The following TEAD1 variants were observed in gnomAD, a reference collection of about 807,000 sequenced individuals.
The protein encoded by TEAD1 is TEA domain transcription factor 1, also known as transcriptional enhancer factor TEF-1.
Under a neutral mutation model 54.9 loss-of-function variants are expected in TEAD1, and 9 were observed. The observed-to-expected ratio is 0.16, with a 90% CI of 0.10 to 0.29. The LOEUF (loss-of-function observed/expected upper bound fraction) is 0.29, where lower values mean the gene tolerates loss of function less well. TEAD1 is among the 10% of genes least tolerant of loss of function. The probability of loss-of-function intolerance (pLI) is 1.00; values close to 1 mark genes in which losing one functional copy is unlikely to be tolerated. For synonymous variants in TEAD1, 200 were observed against 187.8 expected, an observed-to-expected ratio of 1.07 and a Z score of -0.53; for missense variants, 387 against 535.9, an observed-to-expected ratio of 0.72 and a Z score of 2.74.
chr11:12,709,823 C>G (rs1176543209), intron 2 of TEAD1, among the ~76,000 whole-genome samples: 1 of 152,118 alleles, frequency 6.6e-6, no homozygotes, highest in Non-Finnish European at 1.5e-5. Context: ...GTTACCATGC[C>G]CAGCCCTGAT....
intron 3 of TEAD1, among the ~76,000 whole-genome samples, chr11:12,777,010 C>G (rs989195478): frequency 1.3e-5 from 2 of 151,950 alleles, no homozygotes; most frequent in East Asian, 3.9e-4. Flanking sequence ...CCAGGCTGGT[C>G]TCTAACTCCC....
intron 3 of TEAD1, among the ~76,000 whole-genome samples, chr11:12,853,529 A>G (rs1947315179): frequency 6.6e-6 from 1 of 152,208 alleles, no homozygotes; most frequent in Admixed American, 6.5e-5. Context: ...GGATTAAGAA[A>G]GTGATTATGT....
intron 2 of TEAD1, among the ~76,000 whole-genome samples, chr11:12,731,178 G>A (rs1257598928): frequency 6.6e-6 from 1 of 152,102 alleles, no homozygotes; most frequent in African/African-American, 2.4e-5. Flanking sequence ...GAACCATACA[G>A]CACAAGCCTA....
chr11:12,819,844 A>G (rs1173973915), intron 3 of TEAD1, among the ~76,000 whole-genome samples: 9 of 152,226 alleles, frequency 5.9e-5, no homozygotes, highest in Non-Finnish European at 1.5e-5. Context: ...TATTTCATAG[A>G]TAACAAAATA....
At chr11:12,765,293 C>G (rs1945184948) in intron 3 of TEAD1, among the ~76,000 whole-genome samples, 1 of 152,104 alleles carries the variant, frequency 6.6e-6, no homozygotes, top group Non-Finnish European at 1.5e-5. Context: ...GGCTGCTTAC[C>G]TTTTGGGAAG....
chr11:12,921,806 C>T (rs983362861), intron 10 of TEAD1, among the ~76,000 whole-genome samples: 3 of 152,120 alleles, frequency 2.0e-5, no homozygotes, highest in Non-Finnish European at 4.4e-5. Flanking sequence ...ACCCAGGGGC[C>T]TCTTCAGCCT....
intron 3 of TEAD1, among the ~76,000 whole-genome samples, chr11:12,852,505 C>T (rs1255782726): frequency 6.7e-6 from 1 of 149,338 alleles, no homozygotes; most frequent in African/African-American, 2.5e-5. Context: ...TGGAGTGCAG[C>T]GGCGCGATCT....
chr11:12,750,002 C>T (rs773213297), intron 2 of TEAD1, among the ~76,000 whole-genome samples: 3 of 152,160 alleles, frequency 2.0e-5, no homozygotes, highest in Non-Finnish European at 4.4e-5. Flanking sequence ...TGCTCCATCA[C>T]CATGTCATCA....
intron 3 of TEAD1, among the ~76,000 whole-genome samples, chr11:12,776,341 A>G (rs1265700624): frequency 4.6e-5 from 7 of 152,156 alleles, no homozygotes; most frequent in Admixed American, 4.6e-4. Flanking sequence ...AATAGAATGA[A>G]CGGGATCCAC....
chr11:12,878,493 T>C (rs928506957), intron 5 of TEAD1, among the ~76,000 whole-genome samples: 1 of 152,180 alleles, frequency 6.6e-6, no homozygotes, highest in South Asian at 2.1e-4. Flanking sequence ...ATATAGACCC[T>C]CTATTGGCAC....
chr11:12,931,320 G>T (rs752395099), intron 12 of TEAD1, among the ~76,000 whole-genome samples: 7 of 152,062 alleles, frequency 4.6e-5, no homozygotes, highest in Non-Finnish European at 1.0e-4. Flanking sequence ...CTCAGTAATG[G>T]GTTTCATAAG....
chr11:12,676,618 A>G (rs935299796), intron 2 of TEAD1, among the ~76,000 whole-genome samples: 4 of 152,218 alleles, frequency 2.6e-5, no homozygotes, highest in East Asian at 1.9e-4. Flanking sequence ...AGAAGGAAAT[A>G]GTAGAACTAA....
At position 12,944,409 on chromosome 11, in the gene TEAD1, ATTTATC is replaced by A. The variant is rs1949188988; in HGVS notation, c.*7192_*7197del. ...GTTCTAAGTGTTGGCTTTAAAGTGAATTTATCTTTAGTATGATAGTTATATGAAAAT... is the reference window on the plus strand; with the variant it reads ...GTTCTAAGTGTTGGCTTTAAAGTGAATTTAGTATGATAGTTATATGAAAAT... On this transcript the variant is annotated 3_prime_UTR_variant, in exon 13 of 13. Transcript: ENST00000527636. 6.6e-6 allele frequency: 1 copy of A among 152,436 alleles called. No homozygotes were observed. The highest frequency in any genetic ancestry group is 2.4e-5 in the African/African-American group (1 of 41,374). The allele number at this position is 152,436 out of a possible 1,614,324, so 9.4% of individuals were successfully genotyped here.
intron 2 of TEAD1, among the ~76,000 whole-genome samples, chr11:12,720,284 CAT>C (rs1273296888): frequency 6.6e-6 from 1 of 151,958 alleles, no homozygotes; most frequent in Non-Finnish European, 1.5e-5. Context: ...CAGTTAAGGT[CAT>C]GTGTTAATAC....
chr11:12,700,861 A>C lies in TEAD1; in HGVS notation c.-55+25300A>C, dbSNP rs182320448. On this transcript the variant is annotated intron_variant, in intron 2 of 12. Coordinates refer to ENST00000527636, the MANE Select transcript of TEAD1 (RefSeq NM_021961.6). ...AAGTAGTTCAGTCGACTGCTTCTTC[A>C]ATAAAAATTGTTTTGAGAACGATCA... 4.6e-5 allele frequency among the ~76,000 whole-genome samples: 7 copies of C among 152,332 alleles called. No individual in the cohort carries two copies. The East Asian group carries it at 1.2e-3, about 25-fold the overall frequency.
At chr11:12,685,331 T>C (rs1943310863) in intron 2 of TEAD1, among the ~76,000 whole-genome samples, 2 of 152,324 alleles carry the variant, frequency 1.3e-5, no homozygotes, top group South Asian at 2.1e-4. Context: ...GGAGAAAATA[T>C]ATTTAAAAGC....
chr11:12,913,127 G>A (rs188479785), intron 10 of TEAD1, among the ~76,000 whole-genome samples: 359 of 152,244 alleles, frequency 2.4e-3, no homozygotes, highest in African/African-American at 8.1e-3. Flanking sequence ...TTTGCAAGGC[G>A]TAGTTGGATT....
Position 12,857,578 on chromosome 11 carries a change from C to CTGTGTGTGTGTGTGTGTGTGTGTGTG in TEAD1, c.203-4662_203-4637dup, listed in dbSNP as rs10694132. Among the ~76,000 whole-genome samples, 52 of 145,848 alleles carry CTGTGTGTGTGTGTGTGTGTGTGTGTG rather than the reference C, an allele frequency of 3.6e-4. 1 individual carries two copies. Among genetic ancestry groups the CTGTGTGTGTGTGTGTGTGTGTGTGTG allele is most frequent in the African/African-American group, 1.3e-3 (51 of 38,814 alleles). On this transcript the variant is annotated intron_variant, in intron 3 of 12. Transcript: ENST00000527636. ...ATCAAGCATCTCTCTCTCTCTGTCT[C>CTGTGTGTGTGTGTGTGTGTGTGTGTG]TGTGTGTGTGTGTGTGTGTGTGTGT...
At chr11:12,764,837 C>T (rs1350786317) in intron 3 of TEAD1, among the ~76,000 whole-genome samples, 2 of 150,352 alleles carry the variant, frequency 1.3e-5, no homozygotes, top group Non-Finnish European at 3.0e-5. Context: ...CCTGGTGCTC[C>T]CGAATCCCTT....
Sources: allele counts gnomAD v4.1 joint callset (sites outside exome capture counted in the v4.1 genomes callset), GRCh38; gene constraint gnomAD v4.1.1; transcripts MANE v1.5; gene names NCBI Gene and HGNC (gene_info 2026-07-23, HGNC 2026-07-21).